Variants in C6orf52 observed in about 807,000 individuals in gnomAD.
The protein encoded by C6orf52 is chromosome 6 open reading frame 52.
Under a neutral mutation model 16.6 loss-of-function variants are expected in C6orf52, and 16 were observed. The observed-to-expected ratio is 0.96, with a 90% confidence interval of 0.65 to 1.46. The LOEUF is 1.46. Among genes scored for constraint, C6orf52 ranks in the 40% most tolerant of loss-of-function variants. The pLI, the probability that C6orf52 is intolerant of heterozygous loss-of-function variation, is 0.00. For missense variants in C6orf52, 166 were observed against 182.3 expected (o/e 0.91, Z 0.52); for synonymous variants, 53 against 61.4 (o/e 0.86, Z 0.64).
At chr6:10,687,828 T>C (rs1040873801) in intron 1 of C6orf52, among the ~76,000 whole-genome samples, 28 of 152,184 alleles carry the variant, frequency 1.8e-4, no homozygotes, top group African/African-American at 6.0e-4. Flanking sequence ...CTCTCCCAAC[T>C]GTCAGGCAGC....
intron 4 of C6orf52, among the ~76,000 whole-genome samples, chr6:10,677,130 T>TAA (rs1767970937): frequency 6.6e-6 from 1 of 152,268 alleles, no homozygotes; most frequent in Admixed American, 6.5e-5. Flanking sequence ...TGTTTTCTTC[T>TAA]AGTAGTTTCA....
At chr6:10,680,571 G>A (rs1427819347) in intron 4 of C6orf52, among the ~76,000 whole-genome samples, 2 of 152,010 alleles carry the variant, frequency 1.3e-5, no homozygotes, top group African/African-American at 4.8e-5. Flanking sequence ...TTTTTGGAGT[G>A]TTTAAGACAT....
At chr6:10,693,619 GACCT>G (rs1406727963) in intron 1 of C6orf52, among the ~76,000 whole-genome samples, 1 of 152,260 alleles carries the variant, frequency 6.6e-6, no homozygotes, top group African/African-American at 2.4e-5. Flanking sequence ...TTTACCAAAT[GACCT>G]ACTACGGTGT....
chr6:10,672,633 G>A (rs567194082), intron 4 of C6orf52: 24 of 690,200 alleles, frequency 3.5e-5, no homozygotes, highest in Middle Eastern at 2.6e-4. Flanking sequence ...ATACTGAGAC[G>A]TCACTACAAA....
At chr6:10,678,231 G>A (rs1768064161) in intron 4 of C6orf52, among the ~76,000 whole-genome samples, 1 of 145,958 alleles carries the variant, frequency 6.9e-6, no homozygotes, top group Non-Finnish European at 1.5e-5. Context: ...CATTGATTCT[G>A]TAGATCACTT....
chr6:10,687,581 A>T lies in C6orf52; in HGVS notation c.-11-20T>A. ...CAGAAACTTTACAAAAAGAGAGCAG[A>T]ATCCAGTTTTTATTCCTGCGTCAAA... On this transcript the variant is annotated intron_variant, in intron 1 of 4. Transcript: ENST00000259983. The T allele has an allele frequency of 6.7e-7, 1 of 1,484,776 alleles. No homozygotes were observed. The highest frequency in any genetic ancestry group is 9.2e-7 in the Non-Finnish European group (1 of 1,089,006). 92.0% of individuals were successfully genotyped at this position (1,484,776 alleles called of 1,614,324 possible). A position where few individuals can be genotyped will look rare whatever the true frequency, so the allele number is the denominator to read the frequency against.
chr6:10,686,073 C>T (rs1768848798), intron 3 of C6orf52, among the ~76,000 whole-genome samples: 1 of 152,196 alleles, frequency 6.6e-6, no homozygotes, highest in African/African-American at 2.4e-5. Context: ...CTCTGTTGCT[C>T]AGGCTGGAGT....
At chr6:10,676,997 T>C (rs902763966) in intron 4 of C6orf52, among the ~76,000 whole-genome samples, 1 of 152,246 alleles carries the variant, frequency 6.6e-6, no homozygotes, top group Non-Finnish European at 1.5e-5. Context: ...TTTCCTTTGC[T>C]GTACAGAAGC....
chr6:10,684,749 G>A, intron 3 of C6orf52: 1 of 643,028 alleles, frequency 1.6e-6, no homozygotes, highest in Middle Eastern at 2.9e-4. Flanking sequence ...CACATTGGGG[G>A]AAGCAGGGAA....
intron 1 of C6orf52, among the ~76,000 whole-genome samples, chr6:10,691,102 A>T (rs899204073): frequency 5.3e-5 from 8 of 152,208 alleles, no homozygotes; most frequent in African/African-American, 1.9e-4. Flanking sequence ...TGAAAAAGTC[A>T]CTTCTCCAGA....
In C6orf52 at chr6:10,694,607, G is replaced by C. The variant is rs975601774; in HGVS notation, c.-125C>G. 1 of 197,214 alleles carries C rather than the reference G, an allele frequency of 5.1e-6. No individual in the cohort carries two copies. Among genetic ancestry groups the C allele is most frequent in the Non-Finnish European group, 1.1e-5 (1 of 92,804 alleles). The allele number at this position is 197,214 out of a possible 1,614,324, so 12.2% of individuals were successfully genotyped here. On this transcript the variant is annotated 5_prime_UTR_variant, in exon 1 of 5. Transcript: ENST00000259983. Reference sequence around the variant, plus strand: ...CGGCGCTACAGCCCCTAAGCAACCGGCCGGAAGTCGGCCCCACCTCCTCCT... The same window carrying C: ...CGGCGCTACAGCCCCTAAGCAACCGCCCGGAAGTCGGCCCCACCTCCTCCT...
intron 4 of C6orf52, among the ~76,000 whole-genome samples, chr6:10,681,149 G>C (rs1768354084): frequency 6.6e-6 from 1 of 152,164 alleles, no homozygotes; most frequent in African/African-American, 2.4e-5. Flanking sequence ...TTATTGGTCT[G>C]TTCAGGTTTT....
intron 1 of C6orf52, among the ~76,000 whole-genome samples, chr6:10,690,463 C>G (rs1288004857): frequency 1.3e-5 from 2 of 152,156 alleles, no homozygotes; most frequent in East Asian, 3.8e-4. Flanking sequence ...TTGAATTTAA[C>G]AGAGTTGCTG....
chr6:10,672,095 C>T (rs1367596396), intron 4 of C6orf52, among the ~76,000 whole-genome samples: 1 of 152,222 alleles, frequency 6.6e-6, no homozygotes, highest in African/African-American at 2.4e-5. Flanking sequence ...CCTTCCATCT[C>T]CGAACCCTGG....
intron 1 of C6orf52, among the ~76,000 whole-genome samples, chr6:10,692,613 G>C (rs1464385052): frequency 6.6e-6 from 1 of 152,088 alleles, no homozygotes; most frequent in African/African-American, 2.4e-5. Context: ...GCTAATTTTT[G>C]TATTTTTAGT....
intron 4 of C6orf52, among the ~76,000 whole-genome samples, chr6:10,673,817 AG>A (rs1456192146): frequency 6.6e-6 from 1 of 152,160 alleles, no homozygotes; most frequent in African/African-American, 2.4e-5. Context: ...CCTCAAAATA[AG>A]GGTCCCCTCA....
rs541995549 is a variant in C6orf52 at position 10,676,483 on chromosome 6, G to A, written c.317-4885C>T. ...CTTGCACATGCAAATGCCAGCAGTT[G>A]TGCCAATAGGAAAAAGCTACCTAAG... is the stretch of plus-strand genomic sequence containing the variant. On this transcript the variant is annotated intron_variant, in intron 4 of 4. Transcript: ENST00000259983. Among the ~76,000 whole-genome samples the A allele has an allele frequency of 2.6e-5, 4 of 152,328 alleles. 1 individual carries two copies. The South Asian group carries it at 6.2e-4, about 24-fold the overall frequency.
At chr6:10,680,973 T>A (rs1183388520) in intron 4 of C6orf52, among the ~76,000 whole-genome samples, 1 of 152,204 alleles carries the variant, frequency 6.6e-6, no homozygotes, top group Non-Finnish European at 1.5e-5. Context: ...GTTATTTTTT[T>A]AAATTTTTTG....
At position 10,687,463 on chromosome 6, in the gene C6orf52, A is replaced by G. The variant is rs1451897810; in HGVS notation, c.71+17T>C. ...CAGTAACAGCTTTCCTTTTCAAAGT[A>G]GGAGAAAACCACTCACCTTTGCCAG... is the stretch of plus-strand genomic sequence containing the variant. On this transcript the variant is annotated intron_variant, in intron 2 of 4. Transcript: ENST00000259983. 4 of 1,511,484 alleles carry G rather than the reference A, an allele frequency of 2.6e-6. No individual in the cohort carries two copies. The Admixed American group carries it at 5.9e-5, about 22-fold the overall frequency. 93.6% of individuals were successfully genotyped at this position (1,511,484 alleles called of 1,614,324 possible). A position where few individuals can be genotyped will look rare whatever the true frequency, so the allele number is the denominator to read the frequency against.
Sources: gnomAD v4.1 joint callset for allele counts (sites outside exome capture counted in the v4.1 genomes callset) on GRCh38, gnomAD v4.1.1 for gene constraint, MANE v1.5 for transcripts, NCBI Gene and HGNC (gene_info 2026-07-23, HGNC 2026-07-21) for gene names.